Variants in CSMD2 observed in about 807,000 individuals in gnomAD.
The protein encoded by CSMD2 is CUB and sushi domain-containing protein 2.
Under a neutral mutation model 398.5 loss-of-function variants are expected in CSMD2, and 130 were observed. That is an observed-to-expected ratio of 0.33 (90% confidence interval 0.28 to 0.38). The LOEUF (loss-of-function observed/expected upper bound fraction) is 0.38. CSMD2 is among the 10% of genes least tolerant of loss of function. The pLI is 1.00. For synonymous variants in CSMD2, 1,828 were observed against 1,908.5 expected (o/e 0.96, Z 1.10); for missense variants, 3,829 against 4,764.9 (o/e 0.80, Z 5.78).
intron 3 of CSMD2, among the ~76,000 whole-genome samples, chr1:34,030,721 C>T (rs10914852): frequency 0.093 from 14,114 of 152,160 alleles, 1,051 homozygotes; most frequent in East Asian, 0.33. Context: ...CACCTTTTTC[C>T]TCAAGCCTCA....
chr1:33,575,384 C>T (rs1001258007), intron 49 of CSMD2, among the ~76,000 whole-genome samples: 1 of 152,140 alleles, frequency 6.6e-6, no homozygotes, highest in Non-Finnish European at 1.5e-5. Context: ...TAACAATCCA[C>T]TTGAAAGGGC....
In CSMD2 at chr1:33,625,236, G is replaced by C. The variant is rs1469156503; in HGVS notation, c.5315C>G (p.Ala1772Gly). ...FVYQAVPRTS[A>G]TQCSSVPEPR... ...TTCCGGCACAGAGCTGCACTGCGTG[G>C]CGCTGGTTCGAGGAACCGCTGTGGG... The change falls in exon 34 of 71, where the codon GCC becomes GGC. Residue 1772 changes from alanine to glycine, a missense_variant. By Grantham distance (60) the Ala-to-Gly change is moderately conservative (BLOSUM62 0). This residue lies in a region of CSMD2 where 2,001 missense variants were observed against 2,567.1 expected (regional missense o/e 0.78). Transcript: ENST00000373381. 6 of 1,612,448 alleles carry C rather than the reference G, an allele frequency of 3.7e-6. No homozygotes were observed. The highest frequency in any genetic ancestry group is 5.1e-6 in the Non-Finnish European group (6 of 1,179,644).
At position 33,557,747 on chromosome 1, in the gene CSMD2, G is replaced by A. The variant is rs1385804288; in HGVS notation, c.8730C>T (p.Arg2910=). 1 of 1,535,988 alleles carries A rather than the reference G, an allele frequency of 6.5e-7. No individual in the cohort carries two copies. Among genetic ancestry groups the A allele is most frequent in the Admixed American group, 2.0e-5 (1 of 50,996 alleles). The change falls in exon 55 of 71, where the codon CGC becomes CGT. Residue 2910 remains arginine (R), a synonymous_variant. Transcript: ENST00000373381. ...ACATCTACTTACAGAGACACTGGGGGCGGGGACGGTCCCATGTGCCATCTC... is the reference window on the plus strand; with the variant it reads ...ACATCTACTTACAGAGACACTGGGGACGGGGACGGTCCCATGTGCCATCTC... ...CQGDGTWDRP[R]PQCLLVSCGH... is the part of the protein sequence containing the mutation.
intron 1 of CSMD2, among the ~76,000 whole-genome samples, chr1:34,110,517 A>G (rs1660972881): frequency 6.6e-6 from 1 of 152,230 alleles, no homozygotes; most frequent in Non-Finnish European, 1.5e-5. Flanking sequence ...CAGCCATAAA[A>G]AAAAAACCAA....
At chr1:33,989,368 A>G (rs1245088178) in intron 3 of CSMD2, among the ~76,000 whole-genome samples, 8 of 152,112 alleles carry the variant, frequency 5.3e-5, no homozygotes, top group Admixed American at 5.2e-4. Flanking sequence ...TCCACCATAC[A>G]TGGCTGATGG....
intron 2 of CSMD2, among the ~76,000 whole-genome samples, chr1:34,054,034 G>A (rs1290066576): frequency 6.6e-6 from 1 of 152,134 alleles, no homozygotes; most frequent in South Asian, 2.1e-4. Flanking sequence ...GGCACAGAAA[G>A]TTCCTATATA....
intron 10 of CSMD2, among the ~76,000 whole-genome samples, chr1:33,803,704 G>C (rs1311597535): frequency 6.6e-6 from 1 of 152,144 alleles, no homozygotes; most frequent in Non-Finnish European, 1.5e-5. Context: ...CCAAAGCCTT[G>C]GTGGATGTCC....
intron 5 of CSMD2, among the ~76,000 whole-genome samples, chr1:33,878,690 C>G (rs1310977162): frequency 6.6e-6 from 1 of 152,194 alleles, no homozygotes; most frequent in Non-Finnish European, 1.5e-5. Context: ...AAGGTCAGAG[C>G]TGGAAGGACA....
chr1:33,670,427 T>A (rs1382885190), intron 25 of CSMD2, among the ~76,000 whole-genome samples: 1 of 152,222 alleles, frequency 6.6e-6, no homozygotes, highest in African/African-American at 2.4e-5. Context: ...TTGCCAAGCA[T>A]CTGTCACTCT....
At chr1:33,541,847 C>G (rs1397244412) in intron 58 of CSMD2, among the ~76,000 whole-genome samples, 2 of 152,144 alleles carry the variant, frequency 1.3e-5, no homozygotes, top group Non-Finnish European at 2.9e-5. Context: ...TATTAATGAA[C>G]CACATGAGAC....
At chr1:33,889,266 A>G (rs1485467121) in intron 5 of CSMD2, among the ~76,000 whole-genome samples, 1 of 152,264 alleles carries the variant, frequency 6.6e-6, no homozygotes, top group Non-Finnish European at 1.5e-5. Context: ...AAAAATGGGT[A>G]GAGAATATGA....
At chr1:34,130,364 A>G (rs1374151314) in intron 1 of CSMD2, among the ~76,000 whole-genome samples, 5 of 144,222 alleles carry the variant, frequency 3.5e-5, no homozygotes, top group Non-Finnish European at 7.6e-5. Flanking sequence ...GGCAGAAAAA[A>G]ACAGCAGGAA....
intron 6 of CSMD2, among the ~76,000 whole-genome samples, chr1:33,841,641 G>GAAAAA (rs10628548): frequency 6.7e-6 from 1 of 149,562 alleles, no homozygotes; most frequent in Non-Finnish European, 1.5e-5. Context: ...TACCAGAACT[G>GAAAAA]AAAAAAAAAA....
At chr1:33,932,033 T>C (rs1335961749) in intron 4 of CSMD2, among the ~76,000 whole-genome samples, 3 of 152,132 alleles carry the variant, frequency 2.0e-5, no homozygotes, top group African/African-American at 4.8e-5. Flanking sequence ...GGGCCGATGA[T>C]GCGATGTGAA....
intron 1 of CSMD2, among the ~76,000 whole-genome samples, chr1:34,151,842 A>C (rs1571279470): frequency 9.8e-6 from 1 of 101,532 alleles, no homozygotes; most frequent in African/African-American, 3.9e-5. Context: ...CCTTTCTTTC[A>C]GTCACATTTT....
intron 14 of CSMD2, 60 bp from the exon 15 acceptor site, chr1:33,739,394 A>T: frequency 1.6e-5 from 24 of 1,474,220 alleles, no homozygotes; most frequent in Non-Finnish European, 2.1e-5. Flanking sequence ...AGAATCCCTA[A>T]AGAAAATTAG....
chr1:33,948,945 C>T (rs923845771), intron 3 of CSMD2, among the ~76,000 whole-genome samples: 2 of 152,118 alleles, frequency 1.3e-5, no homozygotes, highest in Non-Finnish European at 2.9e-5. Flanking sequence ...TCTGGTGTCC[C>T]ATAGACCTGG....
At chr1:33,757,034 A>T (rs973740625) in intron 13 of CSMD2, among the ~76,000 whole-genome samples, 3 of 152,108 alleles carry the variant, frequency 2.0e-5, no homozygotes, top group Non-Finnish European at 4.4e-5. Flanking sequence ...GGAAATCATC[A>T]TTCTCAGTAA....
At chr1:33,928,233 T>C (rs1166408591) in intron 4 of CSMD2, among the ~76,000 whole-genome samples, 1 of 152,210 alleles carries the variant, frequency 6.6e-6, no homozygotes. Flanking sequence ...ACTCTCAAGC[T>C]GTGTAATCAC....
Sources: allele counts gnomAD v4.1 joint callset (sites outside exome capture counted in the v4.1 genomes callset), GRCh38; gene constraint gnomAD v4.1.1; regional missense constraint gnomAD v4.1.1; transcripts MANE v1.5; gene names NCBI Gene and HGNC (gene_info 2026-07-23, HGNC 2026-07-21).